Variants in CTNND2 observed in about 807,000 individuals in gnomAD.
CTNND2 encodes the protein catenin delta 2, also known as catenin delta-2.
Under a neutral mutation model 144.4 loss-of-function variants are expected in CTNND2, and 22 were observed. That is an observed-to-expected ratio of 0.15 (90% CI 0.11 to 0.22). The LOEUF (loss-of-function observed/expected upper bound fraction) is 0.22, where lower values mean the gene tolerates loss of function less well. Among genes scored for constraint, CTNND2 ranks in the 10% least tolerant of loss-of-function variants. The pLI, the probability that CTNND2 is intolerant of heterozygous loss-of-function variation, is 1.00. For missense variants in CTNND2, 1,353 were observed against 1,618.8 expected (o/e 0.84, Z 2.82); for synonymous variants, 751 against 695.6 (o/e 1.08, Z -1.25).
rs888471384 is a variant in CTNND2 at position 11,181,220 on chromosome 5, G to A, written c.1975+18228C>T. 3.3e-5 allele frequency among the ~76,000 whole-genome samples: 5 copies of A among 152,254 alleles called. No individual in the cohort carries two copies. The East Asian group carries it at 5.8e-4, about 18-fold the overall frequency. On this transcript the variant is annotated intron_variant, in intron 11 of 21. Transcript: ENST00000304623. ...AACAGAGAGGCAAGTCTCAATTCCC[G>A]GGAAAGAGGCTAAGGTGGGAAAAGC... is the stretch of plus-strand genomic sequence containing the variant.
intron 14 of CTNND2, among the ~76,000 whole-genome samples, chr5:11,100,231 A>C (rs1256107304): frequency 2.6e-5 from 4 of 152,206 alleles, no homozygotes; most frequent in Non-Finnish European, 5.9e-5. Flanking sequence ...GCTTAGTTTA[A>C]GTCAAGGGTA....
At chr5:11,112,301 A>G (rs1246295555) in intron 13 of CTNND2, among the ~76,000 whole-genome samples, 1 of 152,186 alleles carries the variant, frequency 6.6e-6, no homozygotes, top group African/African-American at 2.4e-5. Context: ...CCTGTACGTC[A>G]AAGAGGAAGT....
chr5:11,018,897 T>TG (rs1561179978), intron 17 of CTNND2, among the ~76,000 whole-genome samples: 2 of 151,876 alleles, frequency 1.3e-5, no homozygotes, highest in Non-Finnish European at 2.9e-5. Context: ...TTAGTAGAGA[T>TG]GGGGTTTCAC....
chr5:11,833,587 G>A (rs928195809), intron 1 of CTNND2, among the ~76,000 whole-genome samples: 7 of 152,004 alleles, frequency 4.6e-5, no homozygotes, highest in Non-Finnish European at 7.4e-5. Context: ...GCAATGGCAC[G>A]ATCTCAGCTC....
chr5:11,470,767 A>T (rs899171712), intron 3 of CTNND2, among the ~76,000 whole-genome samples: 4 of 151,676 alleles, frequency 2.6e-5, no homozygotes, highest in Admixed American at 2.0e-4. Flanking sequence ...GTTTTGTAGA[A>T]TGTCCCACTA....
intron 1 of CTNND2, among the ~76,000 whole-genome samples, chr5:11,896,204 T>C (rs919443417): frequency 6.6e-6 from 1 of 152,056 alleles, no homozygotes; most frequent in Admixed American, 6.6e-5. Context: ...TGTAAGTAAA[T>C]AATGTTATAT....
chr5:11,226,697 C>T (rs1192604265), intron 10 of CTNND2, among the ~76,000 whole-genome samples: 2 of 152,224 alleles, frequency 1.3e-5, no homozygotes, highest in Admixed American at 1.3e-4. Flanking sequence ...ATTCAATTAC[C>T]TCCCACTGGG....
At chr5:11,785,743 T>C (rs756507392) in intron 1 of CTNND2, among the ~76,000 whole-genome samples, 44 of 152,232 alleles carry the variant, frequency 2.9e-4, no homozygotes, top group Non-Finnish European at 5.1e-4. Context: ...GTTACTAGCA[T>C]CTTCCCCAAC....
chr5:11,096,314 T>C (rs1180729068), intron 15 of CTNND2, among the ~76,000 whole-genome samples: 1 of 152,146 alleles, frequency 6.6e-6, no homozygotes, highest in Non-Finnish European at 1.5e-5. Context: ...ATCCCTCTCC[T>C]AGCCCCCCAC....
chr5:11,544,473 A>G (rs1259931772), intron 3 of CTNND2, among the ~76,000 whole-genome samples: 1 of 152,240 alleles, frequency 6.6e-6, no homozygotes, highest in Non-Finnish European at 1.5e-5. Context: ...TAACAATTAA[A>G]TCATACAAAC....
intron 2 of CTNND2, among the ~76,000 whole-genome samples, chr5:11,674,363 T>A (rs10060031): frequency 6.6e-6 from 1 of 152,072 alleles, no homozygotes; most frequent in Non-Finnish European, 1.5e-5. Flanking sequence ...CTTAACTTAT[T>A]AATTTTAGCG....
chr5:11,118,509 C>T (rs1753778928), intron 12 of CTNND2, among the ~76,000 whole-genome samples: 1 of 152,212 alleles, frequency 6.6e-6, no homozygotes, highest in African/African-American at 2.4e-5. Context: ...GTGTGCAGTA[C>T]AGACTGCTGG....
At chr5:11,443,201 GGTGTGTAT>G (rs1764438254) in intron 3 of CTNND2, among the ~76,000 whole-genome samples, 4 of 147,150 alleles carry the variant, frequency 2.7e-5, no homozygotes, top group African/African-American at 1.0e-4. Context: ...GTGTGTGTGT[GGTGTGTAT>G]GTGTGTGTGG....
rs942130679 is a variant in CTNND2, at chr5:11,652,617, A to G, written c.174+79519T>C. The stretch of plus-strand genomic sequence containing the variant: ...TTTAAATTTTATTTTCAAGATGTAG[A>G]GCAAAAATTTATGTTACTGGGTTTT... On this transcript the variant is annotated intron_variant, in intron 2 of 21. Coordinates refer to ENST00000304623, the MANE Select transcript of CTNND2 (RefSeq NM_001332.4). 4.6e-5 allele frequency among the ~76,000 whole-genome samples: 7 copies of G among 152,182 alleles called. No homozygotes were observed. The East Asian group carries it at 7.7e-4, about 17-fold the overall frequency.
chr5:11,023,909 G>A (rs1742546663), intron 16 of CTNND2, among the ~76,000 whole-genome samples: 1 of 152,182 alleles, frequency 6.6e-6, no homozygotes, highest in Non-Finnish European at 1.5e-5. Context: ...TTGACTTCTG[G>A]AAGTAAGTAA....
chr5:11,476,673 A>G (rs1767773201), intron 3 of CTNND2, among the ~76,000 whole-genome samples: 1 of 152,216 alleles, frequency 6.6e-6, no homozygotes, highest in Non-Finnish European at 1.5e-5. Context: ...TTCTGGATAG[A>G]GCAAGAAACA....
At chr5:11,074,652 G>A (rs1748720565) in intron 16 of CTNND2, among the ~76,000 whole-genome samples, 1 of 152,104 alleles carries the variant, frequency 6.6e-6, no homozygotes, top group Admixed American at 6.6e-5. Flanking sequence ...ATATAACGAA[G>A]ATTTTCCCTG....
chr5:11,780,741 G>C (rs965702104), intron 1 of CTNND2, among the ~76,000 whole-genome samples: 1 of 152,188 alleles, frequency 6.6e-6, no homozygotes, highest in Non-Finnish European at 1.5e-5. Flanking sequence ...GGATTTTCTA[G>C]AGTAATAGAG....
At chr5:11,523,606 GAA>G (rs768577754) in intron 3 of CTNND2, among the ~76,000 whole-genome samples, 10 of 152,176 alleles carry the variant, frequency 6.6e-5, no homozygotes, top group Non-Finnish European at 1.0e-4. Flanking sequence ...AACTTTTGAT[GAA>G]TTTACTACAG....
Sources: gnomAD v4.1 joint callset for allele counts (sites outside exome capture counted in the v4.1 genomes callset) on GRCh38, gnomAD v4.1.1 for gene constraint, MANE v1.5 for transcripts, NCBI Gene and HGNC (gene_info 2026-07-23, HGNC 2026-07-21) for gene names.